Variants in TKTL1 observed in about 807,000 individuals in gnomAD.
TKTL1 encodes transketolase-like protein 1.
In TKTL1, 1 loss-of-function variant was observed where a neutral mutation model predicts 39.3. The ratio of observed to expected loss-of-function variants is 0.03; its 90% CI spans 0.01 to 0.12. The LOEUF (loss-of-function observed/expected upper bound fraction) is 0.12. Among genes scored for constraint, TKTL1 ranks in the 10% least tolerant of loss-of-function variants. The pLI is 1.00. For missense variants in TKTL1, 575 were observed against 509.6 expected, an observed-to-expected ratio of 1.13 and a Z score of -1.24; for synonymous variants, 262 against 193.8, an observed-to-expected ratio of 1.35 and a Z score of -2.92.
intron 9 of TKTL1, 96 bp downstream of exon 9, chrX:154,323,433 T>C: frequency 1.0e-6 from 1 of 963,406 alleles, no homozygotes; most frequent in African/African-American, 1.9e-5. Flanking sequence ...AACATAAAAG[T>C]GATATTCATT....
At chrX:154,313,192 T>C (rs1557168765) in intron 6 of TKTL1, among the ~76,000 whole-genome samples, 1 of 112,366 alleles carries the variant, frequency 8.9e-6, no homozygotes, top group African/African-American at 3.2e-5. Context: ...CCTGGTGTGG[T>C]GTGCCTTTTT....
At chrX:154,301,071 C>T (rs1557165819) in intron 1 of TKTL1, among the ~76,000 whole-genome samples, 1 of 111,052 alleles carries the variant, frequency 9.0e-6, no homozygotes, top group Non-Finnish European at 1.9e-5. Flanking sequence ...AATTTGGATG[C>T]CCTTTATTTA....
chrX:154,318,543 CA>C (rs55702707), intron 7 of TKTL1, among the ~76,000 whole-genome samples: 2,714 of 86,066 alleles, frequency 0.032, 88 homozygotes, highest in African/African-American at 0.097. Flanking sequence ...ACTAAAAATA[CA>C]AAAAAAAAAA....
At position 154,330,117 on chromosome X, in the gene TKTL1, C is replaced by T. The variant is rs2067526468; in HGVS notation, c.*429C>T. On this transcript the variant is annotated 3_prime_UTR_variant, in exon 13 of 13. Coordinates refer to ENST00000369915, the MANE Select transcript of TKTL1 (RefSeq NM_012253.4). ...AGTATAGATTCCAGTAGCCTAGTTT[C>T]CACAGCACGATAACACCATGACGCC... 1 of 117,832 alleles carries T rather than the reference C, an allele frequency of 8.5e-6. No homozygotes were observed. Among genetic ancestry groups the T allele is most frequent in the Non-Finnish European group, 1.8e-5 (1 of 56,254 alleles). 9.7% of individuals were successfully genotyped at this position (117,832 alleles called of 1,213,427 possible).
chrX:154,312,121 A>G (rs1209885741), intron 5 of TKTL1, among the ~76,000 whole-genome samples: 1 of 112,024 alleles, frequency 8.9e-6, no homozygotes, highest in African/African-American at 3.2e-5. Context: ...TGCTTTGGAT[A>G]AAACTCAAAC....
At position 154,313,269 on chromosome X, in the gene TKTL1, C is replaced by T. The variant is rs782209573; in HGVS notation, c.864+496C>T. On this transcript the variant is annotated intron_variant, in intron 6 of 12. Transcript: ENST00000369915. The stretch of plus-strand genomic sequence containing the variant: ...TCTGTGTCTCCGCTAAGAAGACTGG[C>T]CCCAGGCGGGCTGACCTTTTGAACT... 7.1e-5 allele frequency among the ~76,000 whole-genome samples: 8 copies of T among 112,465 alleles called. No homozygotes were observed. The East Asian group carries it at 1.7e-3, about 23-fold the overall frequency.
At chrX:154,300,505 A>C (rs782271653) in intron 1 of TKTL1, among the ~76,000 whole-genome samples, 3 of 111,729 alleles carry the variant, frequency 2.7e-5, no homozygotes, top group African/African-American at 9.8e-5. Flanking sequence ...GTATATTCCT[A>C]GGGTGGGTTT....
chrX:154,304,928 T>C lies in TKTL1; in HGVS notation c.135-376T>C, dbSNP rs782453121. ...CCGTTCACTTCCTAAAAGAAATTCA[T>C]TGTAGAAGGTAGAATGGGATCTTCA... On this transcript the variant is annotated intron_variant, in intron 1 of 12. Transcript: ENST00000369915. 32 of 829,722 alleles carry C rather than the reference T, an allele frequency of 3.9e-5. No homozygotes were observed. In the South Asian group the frequency reaches 6.1e-4, roughly 16 times the overall value. The allele number at this position is 829,722 out of a possible 1,213,427, so 68.4% of individuals were successfully genotyped here.
rs781999737 is a variant in TKTL1, at chrX:154,327,968, G to T, written c.1618+10G>T. 2 of 1,209,869 alleles carry T rather than the reference G, an allele frequency of 1.7e-6. No individual in the cohort carries two copies. The highest frequency in any genetic ancestry group is 2.2e-6 in the Non-Finnish European group (2 of 894,651). ...GATCACTACCCGCAAGGTGTGTGTGGGCATTGAGAATGCTTTGGAAGGTTT... is the reference window on the plus strand; with the variant it reads ...GATCACTACCCGCAAGGTGTGTGTGTGCATTGAGAATGCTTTGGAAGGTTT... On this transcript the variant is annotated intron_variant, in intron 12 of 12. Transcript: ENST00000369915.
intron 9 of TKTL1, among the ~76,000 whole-genome samples, chrX:154,324,144 T>G (rs192326873): frequency 2.7e-5 from 3 of 110,693 alleles, no homozygotes; most frequent in Non-Finnish European, 5.7e-5. Context: ...TGTGTTTTGT[T>G]TTTTGGGTTT....
intron 1 of TKTL1, 116 bp from the exon 2 acceptor site, chrX:154,305,188 T>A: frequency 8.5e-7 from 1 of 1,178,310 alleles, no homozygotes; most frequent in Non-Finnish European, 1.1e-6. Context: ...TACCCTTGGT[T>A]GGATTCTTCC....
At chrX:154,324,884 C>T (rs1569551153) in intron 9 of TKTL1, among the ~76,000 whole-genome samples, 1 of 112,126 alleles carries the variant, frequency 8.9e-6, no homozygotes, top group Non-Finnish European at 1.9e-5. Flanking sequence ...TTTATGTGCT[C>T]AAATTGGTCA....
intron 7 of TKTL1, among the ~76,000 whole-genome samples, chrX:154,316,081 AAAAAAAAT>A (rs1217312776): frequency 3.6e-5 from 4 of 111,632 alleles, no homozygotes; most frequent in Non-Finnish European, 7.5e-5. Flanking sequence ...TAGTATTTTT[AAAAAAAAT>A]TTTTTTAGAC....
chrX:154,313,143 G>A (rs1038990810), intron 6 of TKTL1, among the ~76,000 whole-genome samples: 4 of 111,785 alleles, frequency 3.6e-5, no homozygotes, highest in Non-Finnish European at 5.6e-5. Flanking sequence ...TCACATGTGT[G>A]TCTGAATTTT....
chrX:154,296,199 G>A (rs895496911), intron 1 of TKTL1, among the ~76,000 whole-genome samples: 2 of 110,982 alleles, frequency 1.8e-5, no homozygotes, highest in Non-Finnish European at 3.8e-5. Flanking sequence ...AGGGTCGGTC[G>A]GTTGGTTGGT....
chrX:154,306,804 T>C (rs1012522981), intron 2 of TKTL1, among the ~76,000 whole-genome samples: 13 of 109,675 alleles, frequency 1.2e-4, no homozygotes, highest in African/African-American at 4.3e-4. Context: ...GACCGGCTAA[T>C]TTTTGTATTT....
At chrX:154,319,600 G>A (rs151186928) in intron 7 of TKTL1, among the ~76,000 whole-genome samples, 1,155 of 111,283 alleles carry the variant, frequency 0.01, 7 homozygotes, top group Non-Finnish European at 0.016. Context: ...TTAGCCAGAC[G>A]TGGTGGCGGG....
chrX:154,318,980 G>A (rs1557170054), intron 7 of TKTL1, among the ~76,000 whole-genome samples: 1 of 111,140 alleles, frequency 9.0e-6, no homozygotes, highest in Non-Finnish European at 1.9e-5. Context: ...ATAGGCTTCT[G>A]AGCATTAGGT....
intron 5 of TKTL1, 86 bp downstream of exon 5, chrX:154,311,324 A>G: frequency 1.7e-6 from 2 of 1,143,524 alleles, no homozygotes; most frequent in Non-Finnish European, 2.4e-6. Flanking sequence ...AGAGGGGCCT[A>G]GGCAGATGAC....
Sources: gnomAD v4.1 joint callset for allele counts (sites outside exome capture counted in the v4.1 genomes callset) on GRCh38, gnomAD v4.1.1 for gene constraint, MANE v1.5 for transcripts, NCBI Gene and HGNC (gene_info 2026-07-23, HGNC 2026-07-21) for gene names.